The following CTNNA2 variants were observed in gnomAD, a reference collection of about 807,000 sequenced individuals.
CTNNA2 encodes the protein catenin alpha 2.
A neutral mutation model predicts 101.0 loss-of-function variants in CTNNA2; 42 were observed. That is an observed-to-expected ratio of 0.42 (90% CI 0.32 to 0.54). The LOEUF (loss-of-function observed/expected upper bound fraction) is 0.54. Ranked by LOEUF, CTNNA2 falls within the 20% of genes least tolerant of loss-of-function variation. The pLI is 0.14. For synonymous variants in CTNNA2, 450 were observed against 456.4 expected, an observed-to-expected ratio of 0.99 and a Z score of 0.18; for missense variants, 871 against 1,223.1, an observed-to-expected ratio of 0.71 and a Z score of 4.29.
intron 11 of CTNNA2, among the ~76,000 whole-genome samples, chr2:80,550,688 C>T (rs978739064): frequency 1.3e-5 from 2 of 152,176 alleles, no homozygotes; most frequent in African/African-American, 4.8e-5. Flanking sequence ...GAAGTTTGAT[C>T]ATGACATTGC....
At chr2:80,115,906 C>T (rs1006281621) in intron 7 of CTNNA2, among the ~76,000 whole-genome samples, 4 of 152,100 alleles carry the variant, frequency 2.6e-5, no homozygotes, top group African/African-American at 9.7e-5. Flanking sequence ...GACAGTTAAC[C>T]TCTCCGTGCC....
At chr2:79,779,289 G>C (rs985356262) in intron 3 of CTNNA2, among the ~76,000 whole-genome samples, 4 of 152,162 alleles carry the variant, frequency 2.6e-5, no homozygotes, top group African/African-American at 9.7e-5. Flanking sequence ...ATCCAAGGGT[G>C]ACTGGCCTCT....
chr2:80,249,786 T>C (rs1298862346), intron 7 of CTNNA2, among the ~76,000 whole-genome samples: 1 of 152,230 alleles, frequency 6.6e-6, no homozygotes, highest in Non-Finnish European at 1.5e-5. Flanking sequence ...CCTGCTTTAT[T>C]TCACTAAGCA....
At chr2:80,129,505 A>G (rs1028955276) in intron 7 of CTNNA2, among the ~76,000 whole-genome samples, 1 of 152,010 alleles carries the variant, frequency 6.6e-6, no homozygotes, top group African/African-American at 2.4e-5. Flanking sequence ...GAATCCCTAG[A>G]CACCTCTAGG....
chr2:79,697,111 C>A (rs544452145), intron 2 of CTNNA2, among the ~76,000 whole-genome samples: 1 of 152,084 alleles, frequency 6.6e-6, no homozygotes, highest in South Asian at 2.1e-4. Context: ...ATATTTAGAA[C>A]AGAGGGCATA....
intron 3 of CTNNA2, among the ~76,000 whole-genome samples, chr2:79,810,972 G>T: frequency 6.6e-6 from 1 of 151,316 alleles, no homozygotes; most frequent in Non-Finnish European, 1.5e-5. Context: ...ATTGTGAATA[G>T]TGCCGCAATA....
chr2:80,537,120 C>T lies in CTNNA2; in HGVS notation c.1291-7862C>T, dbSNP rs184247769. Among the ~76,000 whole-genome samples the T allele has an allele frequency of 1.5e-3, 224 of 152,200 alleles. 1 individual carries two copies. The highest frequency in any genetic ancestry group is 2.6e-3 in the Non-Finnish European group (178 of 68,032). On this transcript the variant is annotated intron_variant, in intron 9 of 18. Coordinates refer to ENST00000402739, the MANE Select transcript of CTNNA2 (RefSeq NM_001282597.3). ...CCCCAGTGTGTGTTGTTCCCCCTCCCTGTGTCCATGTGTTGTCATTGTTCA... is the reference window on the plus strand; with the variant it reads ...CCCCAGTGTGTGTTGTTCCCCCTCCTTGTGTCCATGTGTTGTCATTGTTCA...
chr2:80,368,980 G>A (rs1269955434), intron 7 of CTNNA2, among the ~76,000 whole-genome samples: 2 of 151,494 alleles, frequency 1.3e-5, no homozygotes, highest in Non-Finnish European at 2.9e-5. Context: ...TGTGCTCCAG[G>A]ATATTGTAGT....
Position 79,446,220 on chromosome 2 carries a change from C to A in CTNNA2, c.-134-58834C>A, listed in dbSNP as rs116412075. ...CTAATGCATAGTAGGCTTTGCCCCA[C>A]AATATTCTAAGAAAAAAAAAAGAAC... is the stretch of plus-strand genomic sequence containing the variant. On this transcript the variant is annotated intron_variant, in intron 4 of 21. Transcript: ENST00000466387. 7.8e-3 allele frequency among the ~76,000 whole-genome samples: 1,177 copies of A among 151,562 alleles called. 2 individuals carry two copies. Among genetic ancestry groups the A allele is most frequent in the Middle Eastern group, 0.014 (4 of 294 alleles).
intron 7 of CTNNA2, among the ~76,000 whole-genome samples, chr2:80,151,397 C>T (rs960007067): frequency 4.6e-5 from 7 of 152,114 alleles, no homozygotes; most frequent in African/African-American, 1.7e-4. Context: ...AGTTCTAACA[C>T]TAATGACAAG....
chr2:80,083,260 G>T (rs557389171), intron 7 of CTNNA2, among the ~76,000 whole-genome samples: 2 of 152,110 alleles, frequency 1.3e-5, no homozygotes, highest in South Asian at 4.1e-4. Context: ...TTTAAAACTA[G>T]TTTCCTCAGT....
chr2:80,439,188 A>G (rs755321580), intron 9 of CTNNA2, among the ~76,000 whole-genome samples: 10 of 152,160 alleles, frequency 6.6e-5, no homozygotes, highest in Admixed American at 2.0e-4. Context: ...TGCTGCATCA[A>G]CTACAGCCAG....
intron 3 of CTNNA2, among the ~76,000 whole-genome samples, chr2:79,823,342 A>C (rs1678167020): frequency 6.6e-6 from 1 of 152,206 alleles, no homozygotes; most frequent in Non-Finnish European, 1.5e-5. Context: ...AAATCTCATG[A>C]TTACAAACTG....
At chr2:79,685,250 T>C (rs1438248712) in intron 2 of CTNNA2, among the ~76,000 whole-genome samples, 1 of 152,218 alleles carries the variant, frequency 6.6e-6, no homozygotes, top group Admixed American at 6.5e-5. Flanking sequence ...TTCATTCACT[T>C]ACTAATTTAT....
chr2:79,736,456 C>A (rs749039845), intron 2 of CTNNA2, among the ~76,000 whole-genome samples: 1 of 152,158 alleles, frequency 6.6e-6, no homozygotes, highest in Non-Finnish European at 1.5e-5. Context: ...CTGAAGATTT[C>A]TCCTTAGAAG....
At chr2:80,192,988 G>A (rs1442714655) in intron 7 of CTNNA2, among the ~76,000 whole-genome samples, 1 of 152,110 alleles carries the variant, frequency 6.6e-6, no homozygotes, top group Admixed American at 6.5e-5. Flanking sequence ...TGTGTAAGGT[G>A]TATACAGGAT....
intron 2 of CTNNA2, among the ~76,000 whole-genome samples, chr2:79,225,359 G>T (rs1213357992): frequency 6.6e-6 from 1 of 152,050 alleles, no homozygotes; most frequent in African/African-American, 2.4e-5. Flanking sequence ...GGATTTTAAG[G>T]AACCTAATTG....
At chr2:80,584,637 C>A (rs62151962) in intron 14 of CTNNA2, among the ~76,000 whole-genome samples, 4,759 of 152,142 alleles carry the variant, frequency 0.031, 86 homozygotes, top group Middle Eastern at 0.051. Context: ...TGGAGTCACA[C>A]AGACCTGATT....
intron 7 of CTNNA2, among the ~76,000 whole-genome samples, chr2:80,119,715 A>T (rs1394553810): frequency 8.5e-5 from 13 of 152,202 alleles, no homozygotes; most frequent in South Asian, 2.1e-4. Flanking sequence ...AAAAATTTTT[A>T]AAATAATTGG....
Sources: gnomAD v4.1 joint callset for allele counts (sites outside exome capture counted in the v4.1 genomes callset) on GRCh38, gnomAD v4.1.1 for gene constraint, MANE v1.5 for transcripts, NCBI Gene and HGNC (gene_info 2026-07-23, HGNC 2026-07-21) for gene names.